RASA2: variants seen among roughly 807,000 people sequenced by gnomAD.
RASA2 encodes the protein ras GTPase-activating protein 2.
In RASA2, 155 loss-of-function variants were observed where a neutral mutation model predicts 118.2. The observed-to-expected ratio is 1.31, with a 90% CI of 1.15 to 1.50. The LOEUF (loss-of-function observed/expected upper bound fraction) is 1.50. RASA2 is among the 40% of genes most tolerant of loss of function. The pLI, the probability that RASA2 is intolerant of heterozygous loss-of-function variation, is 0.00. For missense variants in RASA2, 1,016 were observed against 1,009.6 expected, an observed-to-expected ratio of 1.01 and a Z score of -0.09; for synonymous variants, 353 against 349.1, an observed-to-expected ratio of 1.01 and a Z score of -0.12.
At chr3:141,599,665 A>G (rs1291015703) in intron 19 of RASA2, among the ~76,000 whole-genome samples, 1 of 152,120 alleles carries the variant, frequency 6.6e-6, no homozygotes. Flanking sequence ...TAAAGAGTGA[A>G]TAAGGAAACT....
intron 5 of RASA2, among the ~76,000 whole-genome samples, chr3:141,550,061 G>C (rs1418951057): frequency 2.0e-5 from 3 of 152,156 alleles, no homozygotes; most frequent in Non-Finnish European, 2.9e-5. Context: ...TAGAATTCTA[G>C]TTAATGAATG....
At chr3:141,516,471 T>C in intron 3 of RASA2, 40 bp downstream of exon 3, 1 of 1,309,098 alleles carries the variant, frequency 7.6e-7, no homozygotes. Flanking sequence ...ACAATGTTAA[T>C]GTTTATATTC....
chr3:141,548,385 A>AT (rs2082519642), intron 5 of RASA2, among the ~76,000 whole-genome samples: 2 of 151,454 alleles, frequency 1.3e-5, no homozygotes, highest in African/African-American at 4.9e-5. Context: ...CAGGTTTTGG[A>AT]TTTTTTCATG....
chr3:141,527,045 C>A (rs2082195053), intron 3 of RASA2, among the ~76,000 whole-genome samples: 2 of 152,100 alleles, frequency 1.3e-5, no homozygotes, highest in South Asian at 4.1e-4. Context: ...TAGTTTTTAG[C>A]AGCATTGTTA....
chr3:141,573,875 TC>T (rs2151132067), intron 13 of RASA2, 68 bp from the exon 14 acceptor site: 2 of 1,309,782 alleles, frequency 1.5e-6, no homozygotes, highest in East Asian at 2.7e-5. Context: ...CTTACATTTT[TC>T]TTTCATGAAG....
At chr3:141,563,258 C>T (rs550223330) in intron 9 of RASA2, among the ~76,000 whole-genome samples, 5 of 151,956 alleles carry the variant, frequency 3.3e-5, no homozygotes, top group Non-Finnish European at 4.4e-5. Context: ...TTCTTTCAAA[C>T]GGAAATATTT....
intron 2 of RASA2, among the ~76,000 whole-genome samples, chr3:141,515,747 A>G (rs2082013241): frequency 6.6e-6 from 1 of 151,704 alleles, no homozygotes; most frequent in Admixed American, 6.6e-5. Context: ...TAAAAATACA[A>G]AAATTAGCTG....
At chr3:141,603,234 T>C (rs2083494053) in intron 19 of RASA2, among the ~76,000 whole-genome samples, 1 of 152,202 alleles carries the variant, frequency 6.6e-6, no homozygotes, top group Non-Finnish European at 1.5e-5. Flanking sequence ...TTGGGGCCAA[T>C]ATGTAGTTGG....
chr3:141,585,979 A>G (rs370176220), intron 17 of RASA2, 46 bp from the exon 18 acceptor site: 4 of 1,471,180 alleles, frequency 2.7e-6, no homozygotes, highest in Non-Finnish European at 3.7e-6. Flanking sequence ...ATTTTTTATA[A>G]TGTACCTTAT....
rs980437869 is a variant in RASA2, at chr3:141,610,200, T to A, written c.2519+134T>A. 10 of 639,602 alleles carry A rather than the reference T, an allele frequency of 1.6e-5. No homozygotes were observed. In the East Asian group the frequency reaches 3.3e-4, roughly 21 times the overall value. The allele number at this position is 639,602 out of a possible 1,614,324, so 39.6% of individuals were successfully genotyped here. A position where few individuals can be genotyped will look rare whatever the true frequency, so the allele number is the denominator to read the frequency against. ...TCAGGGCCATTCTCTGGTGCAAGTT[T>A]CCCTGGCCACTCCAAGTGCTCTTTG... On this transcript the variant is annotated intron_variant, in intron 23 of 23. Transcript: ENST00000286364.
At chr3:141,529,062 A>G (rs1216853794) in intron 3 of RASA2, among the ~76,000 whole-genome samples, 1 of 151,978 alleles carries the variant, frequency 6.6e-6, no homozygotes, top group Non-Finnish European at 1.5e-5. Context: ...TCATACTACT[A>G]TGTTCATTGT....
chr3:141,568,867 A>G (rs548658419), intron 9 of RASA2, among the ~76,000 whole-genome samples: 83 of 152,244 alleles, frequency 5.5e-4, no homozygotes, highest in Non-Finnish European at 1.1e-3. Context: ...AAAAATATGC[A>G]GATAAATATT....
In RASA2 at chr3:141,615,088, C is replaced by T. The variant is rs2083708800; in HGVS notation, c.*2775C>T. ...CAAGACTCATTCTAGAGTTAAATTA[C>T]CAATCTTGGTTGATATTATCTGCTT... On this transcript the variant is annotated 3_prime_UTR_variant, in exon 24 of 24. Coordinates refer to ENST00000286364, the MANE Select transcript of RASA2 (RefSeq NM_006506.5). The T allele has an allele frequency of 6.6e-6, 1 of 152,114 alleles. No individual in the cohort carries two copies. The highest frequency in any genetic ancestry group is 6.6e-5 in the Admixed American group (1 of 15,266). 9.4% of individuals were successfully genotyped at this position (152,114 alleles called of 1,614,324 possible). A position where few individuals can be genotyped will look rare whatever the true frequency, so the allele number is the denominator to read the frequency against.
At chr3:141,509,618 A>G (rs1318384094) in intron 1 of RASA2, among the ~76,000 whole-genome samples, 1 of 152,228 alleles carries the variant, frequency 6.6e-6, no homozygotes, top group Non-Finnish European at 1.5e-5. Flanking sequence ...AGTCTAAATT[A>G]TGCAGAAGGG....
At position 141,608,063 on chromosome 3, in the gene RASA2, T is replaced by C. The variant is rs1399603076; in HGVS notation, c.2016+303T>C. On this transcript the variant is annotated intron_variant, in intron 20 of 23. Transcript: ENST00000286364. The stretch of plus-strand genomic sequence containing the variant: ...CCCTGTTATACTGCTGTACATGATA[T>C]TCAAGTTTCTAAGTAATACAGTCCC... Among the ~76,000 whole-genome samples the C allele has an allele frequency of 3.3e-5, 5 of 151,832 alleles. No homozygotes were observed. In the East Asian group the frequency reaches 7.7e-4, roughly 23 times the overall value.
chr3:141,577,320 ATGT>A (rs1182717008), intron 15 of RASA2, among the ~76,000 whole-genome samples: 6 of 152,140 alleles, frequency 3.9e-5, no homozygotes, highest in South Asian at 4.1e-4. Flanking sequence ...GAGTAATAAA[ATGT>A]TGTTAATTAT....
chr3:141,538,497 T>TTATA (rs1487300302), intron 4 of RASA2, among the ~76,000 whole-genome samples: 1 of 152,178 alleles, frequency 6.6e-6, no homozygotes, highest in East Asian at 1.9e-4. Flanking sequence ...TATATGTTTT[T>TTATA]TATTTTTATA....
chr3:141,568,413 G>A (rs1170037345), intron 9 of RASA2, among the ~76,000 whole-genome samples: 1 of 151,744 alleles, frequency 6.6e-6, no homozygotes, highest in Non-Finnish European at 1.5e-5. Context: ...AATAGAGAAG[G>A]GTCCATAGTA....
At chr3:141,562,777 A>G (rs1342687974) in intron 9 of RASA2, among the ~76,000 whole-genome samples, 1 of 151,604 alleles carries the variant, frequency 6.6e-6, no homozygotes, top group African/African-American at 2.4e-5. Flanking sequence ...AGTTTAAGCC[A>G]TTCTCCTGCC....
Sources: allele counts gnomAD v4.1 joint callset (sites outside exome capture counted in the v4.1 genomes callset), GRCh38; gene constraint gnomAD v4.1.1; transcripts MANE v1.5; gene names NCBI Gene and HGNC (gene_info 2026-07-23, HGNC 2026-07-21).